The following NRXN3 variants were observed in gnomAD, a reference collection of about 807,000 sequenced individuals.
NRXN3 encodes the protein neurexin III.
Under a neutral mutation model 137.6 loss-of-function variants are expected in NRXN3, and 32 were observed. The ratio of observed to expected loss-of-function variants is 0.23; its 90% confidence interval spans 0.18 to 0.31. The LOEUF (loss-of-function observed/expected upper bound fraction) is 0.31. Ranked by LOEUF, NRXN3 falls within the 10% of genes least tolerant of loss-of-function variation. The pLI, the probability that NRXN3 is intolerant of heterozygous loss-of-function variation, is 1.00. For synonymous variants in NRXN3, 798 were observed against 784.5 expected (o/e 1.02, Z -0.29); for missense variants, 1,574 against 2,062.5 (o/e 0.76, Z 4.59).
chr14:79,823,720 G>A (rs1056965269), intron 20 of NRXN3, among the ~76,000 whole-genome samples: 1 of 152,216 alleles, frequency 6.6e-6, no homozygotes, highest in Middle Eastern at 3.4e-3. Context: ...ATTTAGATAC[G>A]GAAGCTTCGC....
chr14:79,030,460 C>T (rs1012075114), intron 15 of NRXN3, among the ~76,000 whole-genome samples: 1 of 151,968 alleles, frequency 6.6e-6, no homozygotes, highest in African/African-American at 2.4e-5. Context: ...TCCTCTCCAC[C>T]CTCAAGGGCA....
chr14:79,813,217 G>A (rs149353918), intron 20 of NRXN3, among the ~76,000 whole-genome samples: 4 of 151,968 alleles, frequency 2.6e-5, no homozygotes, highest in Admixed American at 2.6e-4. Flanking sequence ...AAAGCATGTT[G>A]ATTTTTCTTT....
intron 15 of NRXN3, among the ~76,000 whole-genome samples, chr14:79,271,149 C>T (rs2079225456): frequency 6.6e-6 from 1 of 152,066 alleles, no homozygotes; most frequent in South Asian, 2.1e-4. Context: ...TAGGATGTTC[C>T]CAGAATTAAA....
chr14:79,407,018 T>G (rs2095327105), intron 15 of NRXN3, among the ~76,000 whole-genome samples: 1 of 152,136 alleles, frequency 6.6e-6, no homozygotes, highest in South Asian at 2.1e-4. Context: ...GTTTGAGCCT[T>G]GAATGTAGAC....
At chr14:78,565,439 A>G (rs1002823087) in intron 4 of NRXN3, among the ~76,000 whole-genome samples, 2 of 152,330 alleles carry the variant, frequency 1.3e-5, no homozygotes, top group East Asian at 3.9e-4. Flanking sequence ...TTGAAAATCA[A>G]GGTGTCTTGA....
intron 15 of NRXN3, among the ~76,000 whole-genome samples, chr14:79,451,707 GC>G (rs1291836552): frequency 6.6e-6 from 1 of 152,190 alleles, no homozygotes; most frequent in Non-Finnish European, 1.5e-5. Flanking sequence ...AAGTGGGAGG[GC>G]TGATCAAAAT....
At chr14:79,454,290 G>A (rs2096226275) in intron 15 of NRXN3, among the ~76,000 whole-genome samples, 1 of 152,004 alleles carries the variant, frequency 6.6e-6, no homozygotes, top group Non-Finnish European at 1.5e-5. Context: ...CACCATGTTG[G>A]CCACGATGGT....
chr14:78,337,746 A>G (rs2081640055), intron 4 of NRXN3, among the ~76,000 whole-genome samples: 2 of 152,182 alleles, frequency 1.3e-5, no homozygotes, highest in Admixed American at 1.3e-4. Flanking sequence ...AAGCTCTGAG[A>G]AGGCCGTATA....
At chr14:78,733,628 C>T (rs1290559395) in intron 8 of NRXN3, among the ~76,000 whole-genome samples, 1 of 152,064 alleles carries the variant, frequency 6.6e-6, no homozygotes, top group East Asian at 1.9e-4. Flanking sequence ...AGAATTTTGT[C>T]AGGAGCTTGT....
At chr14:79,674,365 C>T (rs1274473609) in intron 17 of NRXN3, among the ~76,000 whole-genome samples, 2 of 152,028 alleles carry the variant, frequency 1.3e-5, no homozygotes, top group Admixed American at 6.6e-5. Flanking sequence ...ACCTTCAACA[C>T]AGTCAAAATA....
In NRXN3 at chr14:79,300,739, A is replaced by G. The variant is rs6574503; in HGVS notation, c.3263-166482A>G. Among the ~76,000 whole-genome samples the G allele has an allele frequency of 7.7e-3, 1,172 of 152,204 alleles. 24 individuals are homozygous for G. In the South Asian group the frequency reaches 0.081, roughly 10 times the overall value. The stretch of plus-strand genomic sequence containing the variant: ...AAGTCTCAGAATCAGGCTAGATTCA[A>G]TGGGCAGGGAAATAGGTGACGTGTC... On this transcript the variant is annotated intron_variant, in intron 15 of 20. Transcript: ENST00000335750.
At chr14:79,425,160 T>C (rs1424594916) in intron 15 of NRXN3, among the ~76,000 whole-genome samples, 5 of 152,176 alleles carry the variant, frequency 3.3e-5, no homozygotes, top group African/African-American at 9.7e-5. Flanking sequence ...TATGATCGAT[T>C]GCTATAAATT....
At position 78,230,834 on chromosome 14, in the gene NRXN3, T is replaced by C. The variant is rs183873832; in HGVS notation, c.-703-11557T>C. On this transcript the variant is annotated intron_variant, in intron 1 of 20. Coordinates refer to ENST00000335750, the MANE Select transcript of NRXN3 (RefSeq NM_001330195.2). ...GCCACAGGGAGGACTTTGGATTTCA[T>C]TCTGAGTATGTTGAAAACCACTGGA... is the stretch of plus-strand genomic sequence containing the variant. 7.2e-5 allele frequency among the ~76,000 whole-genome samples: 11 copies of C among 152,242 alleles called. No individual in the cohort carries two copies. In the East Asian group the frequency reaches 2.1e-3, roughly 29 times the overall value.
intron 20 of NRXN3, among the ~76,000 whole-genome samples, chr14:79,830,323 C>A (rs1388079426): frequency 6.6e-6 from 1 of 152,112 alleles, no homozygotes; most frequent in Non-Finnish European, 1.5e-5. Context: ...CTTTACCTGG[C>A]CACAGAGTTT....
intron 15 of NRXN3, among the ~76,000 whole-genome samples, chr14:79,341,384 A>G (rs1454201471): frequency 1.3e-5 from 2 of 152,136 alleles, no homozygotes; most frequent in Admixed American, 1.3e-4. Flanking sequence ...TGCAAATCCT[A>G]TAAGCACTTG....
At chr14:79,424,681 C>T (rs1011021887) in intron 15 of NRXN3, among the ~76,000 whole-genome samples, 10 of 152,128 alleles carry the variant, frequency 6.6e-5, no homozygotes, top group Non-Finnish European at 1.5e-4. Flanking sequence ...ATTCTCAGAG[C>T]CTCTGAAGCA....
At position 79,863,757 on chromosome 14, in the gene NRXN3, C is replaced by T. The variant is rs2099416440; in HGVS notation, c.*1793C>T. 1 of 152,584 alleles carries T rather than the reference C, an allele frequency of 6.6e-6. No homozygotes were observed. Among genetic ancestry groups the T allele is most frequent in the Non-Finnish European group, 1.5e-5 (1 of 68,040 alleles). The allele number at this position is 152,584 out of a possible 1,614,324, so 9.5% of individuals were successfully genotyped here. ...AGAGACAAAGCAAGACAAATATTCA[C>T]ACAAAAATGAAGTGTGTCCTCTGGA... On this transcript the variant is annotated 3_prime_UTR_variant, in exon 21 of 21. Coordinates refer to ENST00000335750, the MANE Select transcript of NRXN3 (RefSeq NM_001330195.2).
intron 5 of NRXN3, among the ~76,000 whole-genome samples, chr14:78,647,831 G>C (rs936545035): frequency 9.2e-5 from 14 of 152,106 alleles, no homozygotes; most frequent in African/African-American, 3.4e-4. Context: ...ACATCTATTT[G>C]AGTTCCCTGG....
intron 15 of NRXN3, among the ~76,000 whole-genome samples, chr14:79,400,542 T>G (rs1375995598): frequency 6.6e-6 from 1 of 152,262 alleles, no homozygotes; most frequent in East Asian, 1.9e-4. Flanking sequence ...CTAAACAAAT[T>G]AGTTCCAAAG....
Sources: allele counts gnomAD v4.1 joint callset (sites outside exome capture counted in the v4.1 genomes callset), GRCh38; gene constraint gnomAD v4.1.1; transcripts MANE v1.5; gene names NCBI Gene and HGNC (gene_info 2026-07-23, HGNC 2026-07-21).